C13orf46: variants seen among roughly 807,000 people sequenced by gnomAD.
C13orf46 encodes the protein chromosome 13 open reading frame 46, also known as uncharacterized protein C13orf46.
the C13orf46 span, among the ~76,000 whole-genome samples, chr13:113,936,302 G>A: frequency 3.9e-5 from 6 of 152,250 alleles, no homozygotes; most frequent in Non-Finnish European, 4.4e-5. Flanking sequence ...TGGGCTCTGG[G>A]AAGGGGCCGT....
the C13orf46 span, among the ~76,000 whole-genome samples, chr13:113,933,772 G>A: frequency 6.6e-6 from 1 of 152,138 alleles, no homozygotes; most frequent in Non-Finnish European, 1.5e-5. Context: ...ACAAAAAGTT[G>A]CCGAATAGTA....
At chr13:113,950,909 C>T (rs1010059122), downstream of C13orf46, among the ~76,000 whole-genome samples, 1 of 152,244 alleles carries the variant, frequency 6.6e-6, no homozygotes, top group African/African-American at 2.4e-5. Flanking sequence ...CACCCTTCCC[C>T]GGGGCCCCGG....
chr13:113,940,131 G>A, the C13orf46 span, among the ~76,000 whole-genome samples: 18 of 152,352 alleles, frequency 1.2e-4, no homozygotes, highest in African/African-American at 3.8e-4. Context: ...GGCGGGGGCT[G>A]CGCCTCGGCC....
At chr13:113,973,551 T>C (rs553309058) in intron 1 of C13orf46, among the ~76,000 whole-genome samples, 11 of 152,182 alleles carry the variant, frequency 7.2e-5, no homozygotes, top group African/African-American at 2.7e-4. Context: ...AGGCTGTCCC[T>C]TTCCGGACAG....
the C13orf46 span, among the ~76,000 whole-genome samples, chr13:113,939,071 A>C: frequency 6.6e-6 from 1 of 151,928 alleles, no homozygotes; most frequent in African/African-American, 2.4e-5. Context: ...CCCTGTTGTA[A>C]ACTCCGGGAG....
At chr13:113,929,065 G>A in the C13orf46 span, among the ~76,000 whole-genome samples, 1 of 152,394 alleles carries the variant, frequency 6.6e-6, no homozygotes, top group Admixed American at 6.5e-5. Flanking sequence ...CACGGCCTGG[G>A]AGAGAAGCTG....
intron 6 of C13orf46, among the ~76,000 whole-genome samples, chr13:113,962,495 C>T (rs36174859): frequency 0.3 from 45,632 of 152,198 alleles, 7,713 homozygotes; most frequent in East Asian, 0.45. Flanking sequence ...ATTACAGCCA[C>T]GGCTGAGGAC....
intron 1 of C13orf46, among the ~76,000 whole-genome samples, chr13:113,972,453 C>T (rs991861349): frequency 9.8e-5 from 15 of 152,332 alleles, no homozygotes; most frequent in East Asian, 7.7e-4. Context: ...TCCACGGCCC[C>T]GTGGACACCT....
At chr13:113,949,386 G>A (rs1355512255), downstream of C13orf46, among the ~76,000 whole-genome samples, 1 of 152,208 alleles carries the variant, frequency 6.6e-6, no homozygotes, top group Admixed American at 6.5e-5. Context: ...ATGTACGGCT[G>A]TCATCAGAAG....
rs1295196236 is a variant in C13orf46, at chr13:113,962,781, C to T, written c.572+2146G>A. Among the ~76,000 whole-genome samples the T allele has an allele frequency of 5.3e-5, 8 of 152,158 alleles. No individual in the cohort carries two copies. The South Asian group carries it at 1.2e-3, about 24-fold the overall frequency. ...CCAGCTTGGGGCAGAAAACAGCCAT[C>T]GAGCTGTGTGCCGAGTGCCAAATCC... On this transcript the variant is annotated intron_variant, in intron 6 of 6. Transcript: ENST00000636427.
chr13:113,944,506 TGGGCCCTCCAGGTGTGTGAC>T, the C13orf46 span, among the ~76,000 whole-genome samples: 7 of 152,180 alleles, frequency 4.6e-5, no homozygotes, highest in East Asian at 7.7e-4. Flanking sequence ...AGGTGTGTGA[TGGGCCCTCCAGGTGTGTGAC>T]GGGCCCTCCA....
At chr13:113,951,633 T>G (rs887009858), downstream of C13orf46, among the ~76,000 whole-genome samples, 2 of 149,718 alleles carry the variant, frequency 1.3e-5, no homozygotes, top group African/African-American at 2.4e-5. Context: ...TCCCCAAGCC[T>G]CCTCCAGGCC....
rs2052520557 is a variant in C13orf46, at chr13:113,955,544, TCTCGTGGAGAG to T, written c.*1218_*1228del. The T allele has an allele frequency of 0.24, 11,104 of 45,924 alleles. 688 individuals are homozygous for T. Among genetic ancestry groups the T allele is most frequent in the Non-Finnish European group, 0.33 (7,230 of 21,682 alleles). The allele number at this position is 45,924 out of a possible 1,614,324, so 2.8% of individuals were successfully genotyped here. ...GAGCATCTGGCGGAGACGAGGAGCA[TCTCGTGGAGAG>T]GAGGAGCATCTCGTGGAGAGGAGGA... On this transcript the variant is annotated 3_prime_UTR_variant, in exon 7 of 7. Coordinates refer to ENST00000636427, the MANE Select transcript of C13orf46 (RefSeq NM_001365455.2).
At chr13:113,958,849 C>T (rs2138980471) in intron 6 of C13orf46, among the ~76,000 whole-genome samples, 1 of 152,352 alleles carries the variant, frequency 6.6e-6, no homozygotes, top group Non-Finnish European at 1.5e-5. Context: ...TGCACAGCTG[C>T]ACGTGGTGGG....
chr13:113,968,351 G>C (rs1161299778), intron 4 of C13orf46, 116 bp downstream of exon 4: 2 of 152,268 alleles, frequency 1.3e-5, no homozygotes, highest in African/African-American at 2.4e-5. Context: ...TTCACAGCCT[G>C]GCGCCTGCTG....
At chr13:113,931,721 G>C in the C13orf46 span, among the ~76,000 whole-genome samples, 1 of 152,188 alleles carries the variant, frequency 6.6e-6, no homozygotes, top group Non-Finnish European at 1.5e-5. Flanking sequence ...CCCATATTCT[G>C]TGTTAAAGAA....
chr13:113,962,961 G>A (rs1188809261), intron 6 of C13orf46, among the ~76,000 whole-genome samples: 1 of 152,212 alleles, frequency 6.6e-6, no homozygotes, highest in African/African-American at 2.4e-5. Context: ...ACTCTGCTGA[G>A]TTGGGGCAGA....
chr13:113,970,001 C>T (rs1047255621), intron 2 of C13orf46, among the ~76,000 whole-genome samples, 170 bp downstream of exon 2: 50 of 152,104 alleles, frequency 3.3e-4, no homozygotes, highest in African/African-American at 1.2e-3. Flanking sequence ...TCCCAGCCCT[C>T]CCATCCAGGC....
At chr13:113,938,410 C>T in the C13orf46 span, among the ~76,000 whole-genome samples, 1 of 152,198 alleles carries the variant, frequency 6.6e-6, no homozygotes, top group Non-Finnish European at 1.5e-5. Context: ...TTTCTTTTCT[C>T]AGCCTCCAGA....
Sources: gnomAD v4.1 joint callset for allele counts (sites outside exome capture counted in the v4.1 genomes callset) on GRCh38, gnomAD v4.1.1 for gene constraint, MANE v1.5 for transcripts, NCBI Gene and HGNC (gene_info 2026-07-23, HGNC 2026-07-21) for gene names.